HGSNAT: variants seen among roughly 807,000 people sequenced by gnomAD.
The protein encoded by HGSNAT is heparan-alpha-glucosaminide N-acetyltransferase, also known as transmembrane protein 76.
Under a neutral mutation model 85.2 loss-of-function variants are expected in HGSNAT, and 59 were observed. That is an observed-to-expected ratio of 0.69 (90% confidence interval 0.56 to 0.86). HGSNAT has a LOEUF of 0.86. HGSNAT is among the 40% of genes least tolerant of loss of function. HGSNAT has a pLI of 0.00. For missense variants in HGSNAT, 756 were observed against 777.1 expected (o/e 0.97, Z 0.32); for synonymous variants, 321 against 304.5 (o/e 1.05, Z -0.56).
At position 43,155,471 on chromosome 8, in the gene HGSNAT, T is replaced by C. The variant is rs573123231; in HGVS notation, c.235-3104T>C. On this transcript the variant is annotated intron_variant, in intron 2 of 17. Coordinates refer to ENST00000379644, the MANE Select transcript of HGSNAT (RefSeq NM_152419.3). The stretch of plus-strand genomic sequence containing the variant: ...TTTAAAAAATGAGCCTTTTTTTTGC[T>C]ATTGAGGTGTTTGAGTTCCTTATAT... 2.0e-5 allele frequency among the ~76,000 whole-genome samples: 3 copies of C among 152,328 alleles called. No individual in the cohort carries two copies. The East Asian group carries it at 5.8e-4, about 29-fold the overall frequency.
At chr8:43,150,514 A>G in intron 2 of HGSNAT, among the ~76,000 whole-genome samples, 1 of 151,472 alleles carries the variant, frequency 6.6e-6, no homozygotes, top group Admixed American at 6.6e-5. Context: ...ATACATAAAA[A>G]AGAAAAGATA....
intron 5 of HGSNAT, among the ~76,000 whole-genome samples, chr8:43,164,929 G>A (rs1803386038): frequency 6.6e-6 from 1 of 151,970 alleles, no homozygotes; most frequent in African/African-American, 2.4e-5. Flanking sequence ...GGGAGATGGA[G>A]GAACAGTCAG....
chr8:43,184,224 A>G lies in HGSNAT; in HGVS notation c.1128+1964A>G, dbSNP rs188137617. 4.3e-3 allele frequency among the ~76,000 whole-genome samples: 658 copies of G among 152,318 alleles called. 4 individuals carry two copies. The highest frequency in any genetic ancestry group is 0.015 in the African/African-American group (617 of 41,570). On this transcript the variant is annotated intron_variant, in intron 11 of 17. Transcript: ENST00000379644. ...AGGAATCGCCATACTGACTTCCACA[A>G]TGGTTGAACTAGTTTACGGTCCCAC...
intron 14 of HGSNAT, among the ~76,000 whole-genome samples, chr8:43,195,392 G>A (rs1301017113): frequency 6.6e-6 from 1 of 152,048 alleles, no homozygotes; most frequent in Non-Finnish European, 1.5e-5. Context: ...AAGCCATAAG[G>A]AAGAGAAAAT....
intron 11 of HGSNAT, among the ~76,000 whole-genome samples, chr8:43,186,353 G>T (rs544833575): frequency 1.1e-4 from 16 of 152,180 alleles, no homozygotes; most frequent in African/African-American, 1.7e-4. Context: ...ACTTCTTCCT[G>T]GTTTAGTCTT....
intron 11 of HGSNAT, among the ~76,000 whole-genome samples, chr8:43,183,936 T>A (rs1310083884): frequency 6.6e-6 from 1 of 152,218 alleles, no homozygotes; most frequent in Non-Finnish European, 1.5e-5. Context: ...GTTTCCAGCT[T>A]CATCCATGTC....
chr8:43,175,057 C>G (rs944506844), intron 9 of HGSNAT, among the ~76,000 whole-genome samples: 3 of 152,062 alleles, frequency 2.0e-5, no homozygotes, highest in African/African-American at 7.2e-5. Flanking sequence ...TTGCACATGA[C>G]AGGATCTCAT....
intron 2 of HGSNAT, among the ~76,000 whole-genome samples, chr8:43,151,105 C>T (rs762970168): frequency 1.3e-5 from 2 of 152,072 alleles, no homozygotes; most frequent in South Asian, 2.1e-4. Context: ...CAAAGTACAT[C>T]GAAAATAATG....
rs121908286 is a variant in HGSNAT at position 43,197,682 on chromosome 8, C to T, written c.1553C>T (p.Ser518Phe). 1.9e-6 allele frequency: 3 copies of T among 1,612,138 alleles called. No individual in the cohort carries two copies. The highest frequency in any genetic ancestry group is 2.5e-6 in the Non-Finnish European group (3 of 1,178,316). Residue 518 changes from serine to phenylalanine, a missense_variant, in exon 16 of 18, where the codon TCT (serine) becomes TTT (phenylalanine). Physicochemically the swap from Ser to Phe is radical, Grantham distance 155. Transcript: ENST00000379644. ...TAWCCILGLI[S>F]VALTKVSENE... is the part of the protein sequence containing the mutation. ...TCTTCCCCATTACAGGGGCTCATTT[C>T]TGTTGCTCTGACGAAGGTTTCTGAA...
intron 10 of HGSNAT, chr8:43,180,782 C>G (rs1804059786): frequency 4.3e-6 from 1 of 234,300 alleles, no homozygotes; most frequent in Non-Finnish European, 8.4e-6. Flanking sequence ...GATCACGCCA[C>G]TGCACTCCAG....
At position 43,158,822 on chromosome 8, in the gene HGSNAT, T is replaced by C. The variant is rs1323928798; in HGVS notation, c.372-101T>C. On this transcript the variant is annotated intron_variant, in intron 3 of 17. Transcript: ENST00000379644. ...ATTTTTCTTTATCTTTTCTGGTCCGTACCCAGGAACATGTATTATTCTGCC... is the reference window on the plus strand; with the variant it reads ...ATTTTTCTTTATCTTTTCTGGTCCGCACCCAGGAACATGTATTATTCTGCC... 3.3e-6 allele frequency: 5 copies of C among 1,502,906 alleles called. No individual in the cohort carries two copies. In the East Asian group the frequency reaches 1.1e-4, roughly 34 times the overall value. 93.1% of individuals were successfully genotyped at this position (1,502,906 alleles called of 1,614,324 possible). A position where few individuals can be genotyped will look rare whatever the true frequency, so the allele number is the denominator to read the frequency against.
chr8:43,162,877 A>G (rs1243415080), intron 5 of HGSNAT, among the ~76,000 whole-genome samples: 1 of 152,030 alleles, frequency 6.6e-6, no homozygotes, highest in Non-Finnish European at 1.5e-5. Context: ...GTCATATTAC[A>G]TGACTTTTTA....
In HGSNAT at chr8:43,199,369, G is replaced by C. The variant is rs369322408; in HGVS notation, c.1727-19G>C. On this transcript the variant is annotated intron_variant, in intron 17 of 17. Coordinates refer to ENST00000379644, the MANE Select transcript of HGSNAT (RefSeq NM_152419.3). ...TCATCTGTGAGAAACATGATCTTCT[G>C]TATGTCTCTCTCCTTAAGGAATGAA... The C allele has an allele frequency of 1.4e-5, 21 of 1,526,038 alleles. 1 individual carries two copies. In the South Asian group the frequency reaches 2.1e-4, roughly 15 times the overall value. 94.5% of individuals were successfully genotyped at this position (1,526,038 alleles called of 1,614,324 possible). A position where few individuals can be genotyped will look rare whatever the true frequency, so the allele number is the denominator to read the frequency against.
intron 2 of HGSNAT, among the ~76,000 whole-genome samples, chr8:43,157,739 C>G (rs1335137880): frequency 6.6e-6 from 1 of 152,104 alleles, no homozygotes; most frequent in Non-Finnish European, 1.5e-5. Context: ...GATCATGCCA[C>G]TGCACTCCAA....
chr8:43,167,886 A>G, intron 5 of HGSNAT: 1 of 235,748 alleles, frequency 4.2e-6, no homozygotes, highest in Non-Finnish European at 8.7e-6. Flanking sequence ...ATGTAAATCA[A>G]TTTAATGTTA....
rs2130746148 is a variant in HGSNAT at position 43,170,669 on chromosome 8, CT to C, written c.719del (p.Leu240ProfsTer36). The C allele has an allele frequency of 6.2e-7, 1 of 1,605,524 alleles. No individual in the cohort carries two copies. ...TWRLSALPPRLRSVDTFRGIA... is the reference protein window; with the variant it reads ...TWRLSALPPRXRSVDTFRGIA... ...GCGTCTATCTGCCCTGCCGCCCCGC[CT>C]CCGCAGCGTGGACACCTTCAGGGGG... On this transcript the variant is annotated frameshift_variant, in exon 7 of 18. Coordinates refer to ENST00000379644, the MANE Select transcript of HGSNAT (RefSeq NM_152419.3). LOFTEE classifies it high-confidence loss of function.
At chr8:43,182,547 G>A (rs1640984808) in intron 11 of HGSNAT, 1 of 420,460 alleles carries the variant, frequency 2.4e-6, no homozygotes, top group South Asian at 2.2e-5. Flanking sequence ...AGGCTTAAGC[G>A]ATCCTCCCTC....
intron 2 of HGSNAT, among the ~76,000 whole-genome samples, chr8:43,153,962 G>C (rs866593811): frequency 3.3e-5 from 5 of 152,186 alleles, no homozygotes; most frequent in Non-Finnish European, 7.3e-5. Flanking sequence ...GGATAGTTAG[G>C]TTGATTCCAT....
Position 43,192,450 on chromosome 8 carries a change from G to A in HGSNAT, c.1377+20G>A, listed in dbSNP as rs17603428. ...TCTGCTGTGAGTGAGACTCGAGTTC[G>A]CTTAGAACTGGAACTCAGGCTTTCA... On this transcript the variant is annotated intron_variant, in intron 13 of 17. Transcript: ENST00000379644. The A allele has an allele frequency of 0.31, 500,528 of 1,590,104 alleles. 82,815 individuals carry two copies. Among genetic ancestry groups the A allele is most frequent in the South Asian group, 0.36 (31,869 of 87,448 alleles).
Sources: allele counts gnomAD v4.1 joint callset (sites outside exome capture counted in the v4.1 genomes callset), GRCh38; gene constraint gnomAD v4.1.1; transcripts MANE v1.5; gene names NCBI Gene and HGNC (gene_info 2026-07-23, HGNC 2026-07-21).